The following PHACTR1 variants were observed in gnomAD, a reference collection of about 807,000 sequenced individuals.
PHACTR1 encodes the protein RPEL repeat containing 1.
In PHACTR1, 16 loss-of-function variants were observed where a neutral mutation model predicts 69.2. The ratio of observed to expected loss-of-function variants is 0.23; its 90% CI spans 0.16 to 0.35. PHACTR1 has a LOEUF of 0.35. Among genes scored for constraint, PHACTR1 ranks in the 10% least tolerant of loss-of-function variants. The pLI is 1.00. For missense variants in PHACTR1, 510 were observed against 734.7 expected, an observed-to-expected ratio of 0.69 and a Z score of 3.54; for synonymous variants, 312 against 284.5, an observed-to-expected ratio of 1.10 and a Z score of -0.97.
At chr6:13,168,458 C>T (rs996143151) in intron 6 of PHACTR1, among the ~76,000 whole-genome samples, 1 of 152,152 alleles carries the variant, frequency 6.6e-6, no homozygotes, top group Non-Finnish European at 1.5e-5. Context: ...TGTATTCATT[C>T]ATTATATGTC....
rs545599470 is a variant in PHACTR1, at chr6:13,179,030, G to A, written c.497-3489G>A. 6.6e-6 allele frequency among the ~76,000 whole-genome samples: 1 copy of A among 152,274 alleles called. No homozygotes were observed. The highest frequency in any genetic ancestry group is 2.1e-4 in the South Asian group (1 of 4,824). ...GTGGGTGGATCACTTGAGTCAAGGAGTTCCACATGAGGCTGGGCAACATGG... is the reference window on the plus strand; with the variant it reads ...GTGGGTGGATCACTTGAGTCAAGGAATTCCACATGAGGCTGGGCAACATGG... On this transcript the variant is annotated intron_variant, in intron 6 of 14. Coordinates refer to ENST00000332995, the MANE Select transcript of PHACTR1 (RefSeq NM_030948.6). The surrounding 1 kb of genome is among the most constrained non-coding windows in gnomAD (Gnocchi z 4.2).
At chr6:13,174,008 C>G (rs1167190869) in intron 6 of PHACTR1, among the ~76,000 whole-genome samples, 1 of 152,068 alleles carries the variant, frequency 6.6e-6, no homozygotes, top group Non-Finnish European at 1.5e-5. Context: ...AAAACAATAG[C>G]TATGCCCCCT....
chr6:12,986,088 G>A (rs886886001), intron 4 of PHACTR1, among the ~76,000 whole-genome samples: 1 of 152,050 alleles, frequency 6.6e-6, no homozygotes, highest in Admixed American at 6.5e-5. Context: ...CACCTGCCTC[G>A]GTCTCTCAAA....
chr6:13,111,009 G>A (rs9349459), intron 5 of PHACTR1, among the ~76,000 whole-genome samples: 37,353 of 151,944 alleles, frequency 0.25, 5,823 homozygotes, highest in East Asian at 0.5. Context: ...AATGACTGGA[G>A]AATAGTCCTT....
At chr6:13,086,878 C>G (rs572793766) in intron 5 of PHACTR1, among the ~76,000 whole-genome samples, 2 of 152,058 alleles carry the variant, frequency 1.3e-5, no homozygotes, top group South Asian at 4.2e-4. Context: ...CTTTGCATTC[C>G]CATCAACAAG....
intron 5 of PHACTR1, among the ~76,000 whole-genome samples, chr6:13,133,980 G>C (rs1330936571): frequency 6.6e-6 from 1 of 151,654 alleles, no homozygotes; most frequent in East Asian, 1.9e-4. Context: ...GCCTCTGCCC[G>C]GCCGCGACTC....
At chr6:12,921,560 GA>G (rs1787674653) in intron 4 of PHACTR1, among the ~76,000 whole-genome samples, 1 of 130,128 alleles carries the variant, frequency 7.7e-6, no homozygotes, top group African/African-American at 2.9e-5. Context: ...AAGGAGGAAG[GA>G]AGGAAGGAGG....
At chr6:13,125,321 G>A (rs1819366673) in intron 5 of PHACTR1, among the ~76,000 whole-genome samples, 1 of 151,574 alleles carries the variant, frequency 6.6e-6, no homozygotes, top group Non-Finnish European at 1.5e-5. Context: ...ATTTGTATTT[G>A]TATTCTGATT....
intron 4 of PHACTR1, among the ~76,000 whole-genome samples, chr6:12,984,063 G>A (rs1490540332): frequency 6.6e-6 from 1 of 152,174 alleles, no homozygotes; most frequent in Non-Finnish European, 1.5e-5. Context: ...TATATACCCA[G>A]TAATGGGATG....
At chr6:12,749,858 C>T in intron 4 of PHACTR1, 68 bp downstream of exon 4, 1 of 1,400,198 alleles carries the variant, frequency 7.1e-7, no homozygotes. Context: ...TGTTGAGCCC[C>T]CGCCCCTCCC....
intron 5 of PHACTR1, among the ~76,000 whole-genome samples, chr6:13,151,624 T>A (rs572921837): frequency 6.6e-6 from 1 of 152,352 alleles, no homozygotes; most frequent in East Asian, 1.9e-4. Flanking sequence ...TGAAATGGCA[T>A]GCAGTACTCA....
rs545864330 is a variant in PHACTR1, at chr6:12,915,817, T to G, written c.251-137548T>G. ...TCACCCCTACCACCTCTGAGTTAGT[T>G]CATCCTCTTCTTTGCTCTCACATGG... On this transcript the variant is annotated intron_variant, in intron 4 of 14. Coordinates refer to ENST00000332995, the MANE Select transcript of PHACTR1 (RefSeq NM_030948.6). 1.1e-4 allele frequency among the ~76,000 whole-genome samples: 16 copies of G among 152,330 alleles called. No homozygotes were observed. The South Asian group carries it at 3.3e-3, about 32-fold the overall frequency.
intron 12 of PHACTR1, among the ~76,000 whole-genome samples, chr6:13,282,246 T>C (rs1426910882): frequency 1.3e-5 from 2 of 152,182 alleles, no homozygotes; most frequent in Non-Finnish European, 2.9e-5. Flanking sequence ...AAAACTGCTT[T>C]TAAATAGCAT....
chr6:13,178,538 T>C (rs1049052536), intron 6 of PHACTR1, among the ~76,000 whole-genome samples: 2 of 152,244 alleles, frequency 1.3e-5, no homozygotes, highest in Non-Finnish European at 2.9e-5. Context: ...TCAGAAGCTC[T>C]GGGGGTGAAG....
chr6:13,258,883 C>G (rs1775544404), intron 10 of PHACTR1, among the ~76,000 whole-genome samples: 1 of 152,148 alleles, frequency 6.6e-6, no homozygotes, highest in Non-Finnish European at 1.5e-5. Flanking sequence ...GATGGCAGAG[C>G]TTTTTAAATC....
intron 4 of PHACTR1, among the ~76,000 whole-genome samples, chr6:12,992,922 C>G (rs992840674): frequency 6.6e-6 from 1 of 152,180 alleles, no homozygotes; most frequent in African/African-American, 2.4e-5. Flanking sequence ...GCTGGCCTCC[C>G]CACCTTAATC....
At chr6:12,936,433 C>T (rs542705668) in intron 4 of PHACTR1, among the ~76,000 whole-genome samples, 1 of 152,254 alleles carries the variant, frequency 6.6e-6, no homozygotes, top group South Asian at 2.1e-4. Context: ...ATGACAAATG[C>T]TAACTCAGGA....
intron 5 of PHACTR1, among the ~76,000 whole-genome samples, chr6:13,159,140 C>T (rs1323552854): frequency 1.3e-5 from 2 of 152,176 alleles, no homozygotes; most frequent in East Asian, 3.9e-4. Flanking sequence ...CCACTGTTAC[C>T]TCTTCCTTCC....
chr6:13,165,487 C>G (rs1445354823), intron 6 of PHACTR1, among the ~76,000 whole-genome samples: 2 of 152,194 alleles, frequency 1.3e-5, no homozygotes, highest in South Asian at 2.1e-4. Flanking sequence ...TATGGAGCTA[C>G]AGTGATAACC....
Sources: allele counts gnomAD v4.1 joint callset (sites outside exome capture counted in the v4.1 genomes callset), GRCh38; gene constraint gnomAD v4.1.1; non-coding constraint Gnocchi (gnomAD v3.1); transcripts MANE v1.5; gene names NCBI Gene and HGNC (gene_info 2026-07-23, HGNC 2026-07-21).